Variants in SLIT2 observed in about 807,000 individuals in gnomAD.
SLIT2 encodes slit guidance ligand 2.
In SLIT2, 41 loss-of-function variants were observed where a neutral mutation model predicts 185.7. The ratio of observed to expected loss-of-function variants is 0.22; its 90% CI spans 0.17 to 0.29. The LOEUF (loss-of-function observed/expected upper bound fraction) is 0.29. Among genes scored for constraint, SLIT2 ranks in the 10% least tolerant of loss-of-function variants. The probability of loss-of-function intolerance (pLI) is 1.00; values close to 1 mark genes in which losing one functional copy is unlikely to be tolerated. For missense variants in SLIT2, 1,571 were observed against 1,909.0 expected (o/e 0.82, Z 3.30); for synonymous variants, 693 against 680.2 (o/e 1.02, Z -0.29).
chr4:20,509,660 T>A (rs530152), intron 9 of SLIT2, among the ~76,000 whole-genome samples: 106,510 of 151,442 alleles, frequency 0.7, 37,749 homozygotes, highest in East Asian at 0.95. Flanking sequence ...TTGTTTGGAG[T>A]GAAAGGAGGC....
At chr4:20,268,775 A>G (rs765024944) in intron 3 of SLIT2, 35 bp from the exon 4 acceptor site, 27 of 1,394,150 alleles carry the variant, frequency 1.9e-5, no homozygotes, top group South Asian at 6.9e-5. Flanking sequence ...GGTATTTTCT[A>G]TGTAACATAA....
intron 4 of SLIT2, among the ~76,000 whole-genome samples, chr4:20,332,135 T>C (rs557679268): frequency 2.6e-5 from 4 of 152,294 alleles, no homozygotes; most frequent in Non-Finnish European, 2.9e-5. Flanking sequence ...CTCTTGTGTA[T>C]ATACCTGGAA....
chr4:20,439,384 G>A (rs1560423952), intron 4 of SLIT2, among the ~76,000 whole-genome samples: 1 of 152,186 alleles, frequency 6.6e-6, no homozygotes, highest in Non-Finnish European at 1.5e-5. Flanking sequence ...AGGGCTTGGA[G>A]GAGGACTCTG....
chr4:20,530,957 A>G (rs1408042131), intron 16 of SLIT2, among the ~76,000 whole-genome samples: 2 of 151,662 alleles, frequency 1.3e-5, no homozygotes, highest in Non-Finnish European at 1.5e-5. Context: ...GACCCACTGG[A>G]ATGGCTAAAA....
At chr4:20,472,408 CTATATATCTATA>C (rs1715377446) in intron 5 of SLIT2, among the ~76,000 whole-genome samples, 1 of 32,446 alleles carries the variant, frequency 3.1e-5, no homozygotes, top group African/African-American at 1.9e-4. Flanking sequence ...ATATAGATAT[CTATATATCTATA>C]TATATAGATA....
intron 26 of SLIT2, among the ~76,000 whole-genome samples, chr4:20,556,236 TA>T (rs1305247540): frequency 6.6e-6 from 1 of 151,842 alleles, no homozygotes; most frequent in Non-Finnish European, 1.5e-5. Context: ...CATTATTTTG[TA>T]AAGTGAGAGA....
In SLIT2 at chr4:20,291,492, ATTTTTTTTTTTTTTTTTTTTTT is replaced by A. The variant is rs1157453738; in HGVS notation, c.395+22621_395+22642del. Among the ~76,000 whole-genome samples the A allele has an allele frequency of 9.3e-4, 17 of 18,262 alleles. No homozygotes were observed. In the East Asian group the frequency reaches 0.022, roughly 24 times the overall value. The allele number at this position is 18,262 out of a possible 152,430, so 12.0% of individuals were successfully genotyped here. A position where few individuals can be genotyped will look rare whatever the true frequency, so the allele number is the denominator to read the frequency against. ...TATATATATATATATATATATATATATTTTTTTTTTTTTTTTTTTTTTTTTTTTTTTACAGCAATGCTATGTG... is the reference window on the plus strand; with the variant it reads ...TATATATATATATATATATATATATATTTTTTTTTACAGCAATGCTATGTG... On this transcript the variant is annotated intron_variant, in intron 4 of 36. Transcript: ENST00000504154.
intron 4 of SLIT2, among the ~76,000 whole-genome samples, chr4:20,297,866 T>A (rs538849034): frequency 1.3e-5 from 2 of 152,292 alleles, no homozygotes; most frequent in Admixed American, 6.5e-5. Context: ...ATAAAAGTTT[T>A]AATACCAGTG....
At chr4:20,302,727 A>G (rs957245213) in intron 4 of SLIT2, among the ~76,000 whole-genome samples, 16 of 152,198 alleles carry the variant, frequency 1.1e-4, no homozygotes, top group African/African-American at 3.4e-4. Context: ...AATCGATTGG[A>G]GGATGCATTG....
At position 20,400,046 on chromosome 4, in the gene SLIT2, A is replaced by G. The variant is rs145901138; in HGVS notation, c.396-67706A>G. 1.5e-3 allele frequency among the ~76,000 whole-genome samples: 235 copies of G among 151,932 alleles called. 1 individual carries two copies. The highest frequency in any genetic ancestry group is 0.014 in the South Asian group (69 of 4,818). On this transcript the variant is annotated intron_variant, in intron 4 of 36. Transcript: ENST00000504154. ...ACCCAGAGTTCCTGTTAAGGATAGTAACTTATGTACCCTAAATCATTTTGG... is the reference window on the plus strand; with the variant it reads ...ACCCAGAGTTCCTGTTAAGGATAGTGACTTATGTACCCTAAATCATTTTGG...
Position 20,617,660 on chromosome 4 carries a change from C to T in SLIT2, c.4348+10C>T. 18 of 1,600,160 alleles carry T rather than the reference C, an allele frequency of 1.1e-5. No homozygotes were observed. Among genetic ancestry groups the T allele is most frequent in the Non-Finnish European group, 1.5e-5 (18 of 1,171,650 alleles). ...GACAGCTGTGATCGAGGTAAGCCAG[C>T]CCCACTGGGCACCTCATTCTCTTGG... On this transcript the variant is annotated intron_variant, in intron 36 of 36. Transcript: ENST00000504154.
intron 4 of SLIT2, among the ~76,000 whole-genome samples, chr4:20,384,555 A>G (rs1216027983): frequency 6.6e-6 from 1 of 152,184 alleles, no homozygotes; most frequent in African/African-American, 2.4e-5. Flanking sequence ...GACAAATCCT[A>G]ACAATTATAC....
intron 4 of SLIT2, among the ~76,000 whole-genome samples, chr4:20,336,353 A>G (rs1381651348): frequency 1.3e-5 from 2 of 152,200 alleles, no homozygotes; most frequent in Middle Eastern, 3.2e-3. Flanking sequence ...TTGTAGCCAT[A>G]AAAAAGGATG....
At chr4:20,286,665 G>A (rs907294732) in intron 4 of SLIT2, among the ~76,000 whole-genome samples, 4 of 152,112 alleles carry the variant, frequency 2.6e-5, no homozygotes, top group Admixed American at 6.5e-5. Context: ...AGATGGGCGT[G>A]GTAGCGTGTG....
chr4:20,371,903 G>T (rs140113766), intron 4 of SLIT2, among the ~76,000 whole-genome samples: 219 of 152,040 alleles, frequency 1.4e-3, no homozygotes, highest in Non-Finnish European at 1.9e-3. Context: ...ACAAGGAAGA[G>T]CTCCAAAGAA....
Position 20,252,020 on chromosome 4 carries a change from A to G in SLIT2, c.-1796A>G, listed in dbSNP as rs532053983. ...AAGGCGGCGGCGGCGGCGGCGGCGGAGGCGGAGGCAGCTGCGAGGCATGGG... is the reference window on the plus strand; with the variant it reads ...AAGGCGGCGGCGGCGGCGGCGGCGGGGGCGGAGGCAGCTGCGAGGCATGGG... On this transcript the variant is annotated 5_prime_UTR_variant, in exon 1 of 37. Coordinates refer to ENST00000504154, the MANE Select transcript of SLIT2 (RefSeq NM_004787.4). Among the ~76,000 whole-genome samples the G allele has an allele frequency of 6.6e-6, 1 of 150,948 alleles. No individual in the cohort carries two copies. Among genetic ancestry groups the G allele is most frequent in the Non-Finnish European group, 1.5e-5 (1 of 67,812 alleles).
rs1235798292 is a variant in SLIT2 at position 20,488,837 on chromosome 4, C to A, written c.630C>A (p.Asn210Lys). The stretch of plus-strand genomic sequence containing the variant: ...CATTTAGTCGACTGCATTCAAACAA[C>A]CTGTATTGTGACTGCCACCTGGCCT... ...KLRTFRLHSN[N>K]LYCDCHLAWL... is the part of the protein sequence containing the mutation. Residue 210 changes from asparagine to lysine, a missense_variant, in exon 8 of 37, where the codon AAC (asparagine) becomes AAA (lysine). This residue lies in a region of SLIT2 where 1,202 missense variants were observed against 1,416.4 expected (regional missense o/e 0.85). Transcript: ENST00000504154. 2 of 1,604,060 alleles carry A rather than the reference C, an allele frequency of 1.2e-6. No homozygotes were observed. Among genetic ancestry groups the A allele is most frequent in the African/African-American group, 1.3e-5 (1 of 74,598 alleles).
At chr4:20,410,776 G>GA (rs1727190451) in intron 4 of SLIT2, among the ~76,000 whole-genome samples, 1 of 151,988 alleles carries the variant, frequency 6.6e-6, no homozygotes, top group Non-Finnish European at 1.5e-5. Context: ...CTTGGTCTTG[G>GA]AGTCTGTTCT....
intron 4 of SLIT2, among the ~76,000 whole-genome samples, chr4:20,343,515 T>G (rs1721132452): frequency 6.6e-6 from 1 of 152,038 alleles, no homozygotes; most frequent in Non-Finnish European, 1.5e-5. Flanking sequence ...ACTTTTTTTT[T>G]TCTTGAGATT....
Sources: allele counts gnomAD v4.1 joint callset (sites outside exome capture counted in the v4.1 genomes callset), GRCh38; gene constraint gnomAD v4.1.1; regional missense constraint gnomAD v4.1.1; transcripts MANE v1.5; gene names NCBI Gene and HGNC (gene_info 2026-07-23, HGNC 2026-07-21).